The following SGCD variants were observed in gnomAD, a reference collection of about 807,000 sequenced individuals.
The protein encoded by SGCD is delta-sarcoglycan.
Under a neutral mutation model 36.6 loss-of-function variants are expected in SGCD, and 18 were observed. The observed-to-expected ratio is 0.49, with a 90% CI of 0.34 to 0.73. The LOEUF is 0.73. Among genes scored for constraint, SGCD ranks in the 30% least tolerant of loss-of-function variants. The pLI, the probability that SGCD is intolerant of heterozygous loss-of-function variation, is 0.01. For missense variants in SGCD, 387 were observed against 346.7 expected, an observed-to-expected ratio of 1.12 and a Z score of -0.92; for synonymous variants, 133 against 130.6, an observed-to-expected ratio of 1.02 and a Z score of -0.12.
At chr5:155,837,910 G>C in the SGCD span, among the ~76,000 whole-genome samples, 1 of 151,932 alleles carries the variant, frequency 6.6e-6, no homozygotes, top group African/African-American at 2.4e-5. Flanking sequence ...CCTGCTGAGC[G>C]CCAAGTTTCA....
chr5:156,384,188 G>A (rs1396835920), intron 3 of SGCD, among the ~76,000 whole-genome samples: 1 of 152,166 alleles, frequency 6.6e-6, no homozygotes, highest in Non-Finnish European at 1.5e-5. Context: ...TTGCTGGAAT[G>A]GACCATGTTC....
intron 3 of SGCD, among the ~76,000 whole-genome samples, chr5:156,497,398 G>C (rs975488427): frequency 1.3e-5 from 2 of 152,112 alleles, no homozygotes; most frequent in Non-Finnish European, 2.9e-5. Context: ...CACGCCCAGA[G>C]AAAGTGTAGA....
chr5:156,736,239 T>C (rs1756357560), intron 7 of SGCD, among the ~76,000 whole-genome samples: 1 of 152,188 alleles, frequency 6.6e-6, no homozygotes. Flanking sequence ...CTGCTTTTAG[T>C]TGGCCATCTT....
At chr5:156,575,753 A>C (rs977557634) in intron 4 of SGCD, among the ~76,000 whole-genome samples, 3 of 84,602 alleles carry the variant, frequency 3.5e-5, no homozygotes, top group African/African-American at 5.7e-5. Flanking sequence ...TACTTTAAGC[A>C]AAAAAAAATA....
At chr5:156,202,361 T>G (rs370914629) in intron 3 of SGCD, among the ~76,000 whole-genome samples, 1 of 152,204 alleles carries the variant, frequency 6.6e-6, no homozygotes, top group African/African-American at 2.4e-5. Context: ...AATTTTAAAT[T>G]TGGCCATGAT....
Position 156,765,058 on chromosome 5 carries a change from C to T in SGCD, c.*5668C>T, listed in dbSNP as rs1757563359. On this transcript the variant is annotated 3_prime_UTR_variant, in exon 9 of 9. Transcript: ENST00000337851. ...ATTTGGCTTCATCACTGAACATTAG[C>T]TAAGGTCAGCTTAATAACACAAATA... 6.6e-6 allele frequency: 1 copy of T among 152,216 alleles called. No homozygotes were observed. The allele number at this position is 152,216 out of a possible 1,614,324, so 9.4% of individuals were successfully genotyped here. A position where few individuals can be genotyped will look rare whatever the true frequency, so the allele number is the denominator to read the frequency against.
At chr5:156,475,197 A>G (rs551534113) in intron 3 of SGCD, among the ~76,000 whole-genome samples, 12 of 152,244 alleles carry the variant, frequency 7.9e-5, no homozygotes, top group African/African-American at 2.9e-4. Context: ...CCATTCTCCA[A>G]GATACCCATT....
chr5:156,322,381 T>C (rs763503797), upstream of SGCD, among the ~76,000 whole-genome samples: 1 of 152,202 alleles, frequency 6.6e-6, no homozygotes, highest in Non-Finnish European at 1.5e-5. Context: ...ATATCTATTG[T>C]GTACTTCCTA....
intron 3 of SGCD, among the ~76,000 whole-genome samples, chr5:156,285,339 G>A (rs1766564875): frequency 6.6e-6 from 1 of 151,994 alleles, no homozygotes; most frequent in Admixed American, 6.6e-5. Context: ...AGTTCATATG[G>A]AACCCAAAAA....
intron 3 of SGCD, among the ~76,000 whole-genome samples, chr5:156,394,785 TATGG>T (rs2127757815): frequency 6.6e-6 from 1 of 152,364 alleles, no homozygotes; most frequent in East Asian, 1.9e-4. Flanking sequence ...GCTGTGCTTT[TATGG>T]ATGCGCCAAT....
chr5:156,355,857 G>T (rs1350419145), intron 3 of SGCD, among the ~76,000 whole-genome samples: 1 of 152,160 alleles, frequency 6.6e-6, no homozygotes, highest in Non-Finnish European at 1.5e-5. Context: ...GGCTGGTCTT[G>T]AATTCCTGAA....
chr5:156,412,026 A>G (rs572435607), intron 3 of SGCD, among the ~76,000 whole-genome samples: 33 of 152,354 alleles, frequency 2.2e-4, no homozygotes, highest in African/African-American at 7.9e-4. Flanking sequence ...GGAGAATTCA[A>G]TAAGGCAGTC....
chr5:156,632,528 C>G lies in SGCD; in HGVS notation c.503-14936C>G, dbSNP rs12109607. ...TGGTCAGTGAGATGGTTAAATGAAG[C>G]TTTATTTTTTATTGACCTGTCTTTT... On this transcript the variant is annotated intron_variant, in intron 6 of 8. Transcript: ENST00000337851. Among the ~76,000 whole-genome samples, 770 of 152,200 alleles carry G rather than the reference C, an allele frequency of 5.1e-3. 5 individuals carry two copies. The highest frequency in any genetic ancestry group is 0.017 in the African/African-American group (721 of 41,532).
At chr5:155,854,504 C>T in the SGCD span, among the ~76,000 whole-genome samples, 1 of 152,094 alleles carries the variant, frequency 6.6e-6, no homozygotes, top group Non-Finnish European at 1.5e-5. Flanking sequence ...AAATTTGCCT[C>T]GTATCACAGC....
At chr5:155,757,662 G>A in the SGCD span, among the ~76,000 whole-genome samples, 1 of 152,190 alleles carries the variant, frequency 6.6e-6, no homozygotes, top group African/African-American at 2.4e-5. Flanking sequence ...GCCCCGGGTT[G>A]TACAGGATGT....
At chr5:156,152,570 A>G (rs1204812278) in intron 3 of SGCD, among the ~76,000 whole-genome samples, 1 of 151,710 alleles carries the variant, frequency 6.6e-6, no homozygotes, top group African/African-American at 2.4e-5. Context: ...CATTTTAACA[A>G]CTTTATTGAG....
At chr5:156,575,785 G>T (rs1276437215) in intron 4 of SGCD, among the ~76,000 whole-genome samples, 1 of 152,106 alleles carries the variant, frequency 6.6e-6, no homozygotes, top group African/African-American at 2.4e-5. Context: ...ATTTTGGAGC[G>T]ATTGGGTACA....
chr5:155,887,062 A>T (rs917426867), intron 1 of SGCD, among the ~76,000 whole-genome samples: 2 of 152,234 alleles, frequency 1.3e-5, no homozygotes, highest in African/African-American at 2.4e-5. Context: ...GTGATACTTA[A>T]GGAAGCACAC....
At chr5:156,478,697 C>T (rs1002306385) in intron 3 of SGCD, among the ~76,000 whole-genome samples, 2 of 152,202 alleles carry the variant, frequency 1.3e-5, no homozygotes, top group African/African-American at 2.4e-5. Context: ...TCTCCTGCCT[C>T]AGCCTCCTGA....
Sources: allele counts gnomAD v4.1 joint callset (sites outside exome capture counted in the v4.1 genomes callset), GRCh38; gene constraint gnomAD v4.1.1; transcripts MANE v1.5; gene names NCBI Gene and HGNC (gene_info 2026-07-23, HGNC 2026-07-21).